CCDC91: variants seen among roughly 807,000 people sequenced by gnomAD.
CCDC91 encodes coiled-coil domain containing 91.
Under a neutral mutation model 63.2 loss-of-function variants are expected in CCDC91, and 48 were observed. That is an observed-to-expected ratio of 0.76 (90% CI 0.60 to 0.97). The LOEUF (loss-of-function observed/expected upper bound fraction) is 0.97. CCDC91 is among the 50% of genes least tolerant of loss of function. CCDC91 has a pLI of 0.00. For missense variants in CCDC91, 500 were observed against 494.6 expected, an observed-to-expected ratio of 1.01 and a Z score of -0.10; for synonymous variants, 167 against 165.8, an observed-to-expected ratio of 1.01 and a Z score of -0.06.
intron 8 of CCDC91, among the ~76,000 whole-genome samples, chr12:28,398,262 A>G (rs563269823): frequency 6.6e-6 from 1 of 152,092 alleles, no homozygotes; most frequent in Non-Finnish European, 1.5e-5. Flanking sequence ...CTGTTATTTC[A>G]TATAGAATGA....
At chr12:28,286,292 G>A (rs1199924870) in intron 3 of CCDC91, among the ~76,000 whole-genome samples, 1 of 152,000 alleles carries the variant, frequency 6.6e-6, no homozygotes, top group African/African-American at 2.4e-5. Flanking sequence ...GGGGTTTGTT[G>A]TACAGATTAT....
intron 6 of CCDC91, among the ~76,000 whole-genome samples, chr12:28,311,192 G>T (rs1939285306): frequency 6.6e-6 from 1 of 151,968 alleles, no homozygotes; most frequent in Non-Finnish European, 1.5e-5. Context: ...AGATAAGGTG[G>T]GATTTCAGGG....
intron 1 of CCDC91, among the ~76,000 whole-genome samples, chr12:28,208,806 T>A (rs891294373): frequency 6.6e-6 from 1 of 152,156 alleles, no homozygotes; most frequent in Non-Finnish European, 1.5e-5. Flanking sequence ...TATTTTATTT[T>A]ATTTTATTTT....
intron 12 of CCDC91, among the ~76,000 whole-genome samples, chr12:28,540,170 G>A (rs1266589535): frequency 6.6e-6 from 1 of 152,050 alleles, no homozygotes; most frequent in Non-Finnish European, 1.5e-5. Context: ...CTCCTTTATT[G>A]CATCATGAAC....
At chr12:28,351,650 G>T (rs79154320) in intron 6 of CCDC91, among the ~76,000 whole-genome samples, 1 of 151,552 alleles carries the variant, frequency 6.6e-6, no homozygotes, top group Non-Finnish European at 1.5e-5. Context: ...CTTTGCAACC[G>T]TAGATCTAAC....
chr12:28,529,275 G>A (rs538282822), intron 12 of CCDC91, among the ~76,000 whole-genome samples: 46 of 152,190 alleles, frequency 3.0e-4, no homozygotes, highest in Admixed American at 1.1e-3. Context: ...AGAATCTTCC[G>A]CAGAGCTTTG....
intron 6 of CCDC91, among the ~76,000 whole-genome samples, chr12:28,320,726 T>C (rs1187735036): frequency 6.6e-6 from 1 of 151,884 alleles, no homozygotes; most frequent in African/African-American, 2.4e-5. Context: ...ATACATTTGA[T>C]CACAGTGGCC....
chr12:28,328,794 ATTT>A (rs143982760), intron 6 of CCDC91, among the ~76,000 whole-genome samples: 1 of 151,620 alleles, frequency 6.6e-6, no homozygotes, highest in Admixed American at 6.6e-5. Context: ...AACAGATGCG[ATTT>A]TTTTTTCTTT....
intron 1 of CCDC91, among the ~76,000 whole-genome samples, chr12:28,195,420 T>C (rs7961395): frequency 0.26 from 39,577 of 152,012 alleles, 5,396 homozygotes; most frequent in Non-Finnish European, 0.31. Context: ...GACCCGGAAG[T>C]CCAGCCGGCT....
intron 11 of CCDC91, among the ~76,000 whole-genome samples, chr12:28,457,705 C>T (rs935296977): frequency 6.6e-6 from 1 of 151,420 alleles, no homozygotes; most frequent in African/African-American, 2.4e-5. Context: ...TGGCCTTGAT[C>T]GTAAGTTAAG....
intron 12 of CCDC91, among the ~76,000 whole-genome samples, chr12:28,515,516 A>G (rs1218166899): frequency 2.6e-5 from 4 of 151,894 alleles, no homozygotes; most frequent in Non-Finnish European, 2.9e-5. Context: ...AATGTAGACT[A>G]TTTGTAAAAT....
intron 6 of CCDC91, among the ~76,000 whole-genome samples, chr12:28,341,184 T>C (rs1211987308): frequency 6.6e-6 from 1 of 152,144 alleles, no homozygotes; most frequent in Non-Finnish European, 1.5e-5. Context: ...CCCCTTGAAA[T>C]CCAGCTGCTT....
At position 28,284,850 on chromosome 12, in the gene CCDC91, G is replaced by A. The variant is rs147632684; in HGVS notation, c.110-20799G>A. 4.1e-4 allele frequency among the ~76,000 whole-genome samples: 62 copies of A among 152,160 alleles called. 1 individual carries two copies. The East Asian group carries it at 8.5e-3, about 21-fold the overall frequency. ...ATATTCTTTCTTTTTTTGCCTAGTC[G>A]TTGGACTACCACCTGTGAAATAGCG... On this transcript the variant is annotated intron_variant, in intron 3 of 12. Transcript: ENST00000536442.
intron 12 of CCDC91, among the ~76,000 whole-genome samples, chr12:28,513,724 T>C (rs530328680): frequency 6.6e-6 from 1 of 151,902 alleles, no homozygotes; most frequent in Admixed American, 6.6e-5. Flanking sequence ...TTTGATTTTC[T>C]AATCCTGTAT....
intron 12 of CCDC91, among the ~76,000 whole-genome samples, chr12:28,493,199 A>G (rs529991646): frequency 7.3e-4 from 111 of 151,822 alleles, no homozygotes; most frequent in African/African-American, 2.4e-3. Context: ...GTGATATTAG[A>G]TAACTACCCA....
In CCDC91 at chr12:28,269,209, A is replaced by T. The variant is rs565182631; in HGVS notation, c.109+9767A>T. 2.6e-5 allele frequency among the ~76,000 whole-genome samples: 4 copies of T among 151,630 alleles called. No individual in the cohort carries two copies. The East Asian group carries it at 7.8e-4, about 29-fold the overall frequency. ...TCCTCCCTCTTTTTAAAGGTTGGGCATTTGAGCTTCTTAAACGGTGTCTCT... is the reference window on the plus strand; with the variant it reads ...TCCTCCCTCTTTTTAAAGGTTGGGCTTTTGAGCTTCTTAAACGGTGTCTCT... On this transcript the variant is annotated intron_variant, in intron 3 of 12. Transcript: ENST00000536442.
chr12:28,414,255 CA>C (rs1385106735), intron 8 of CCDC91, among the ~76,000 whole-genome samples: 1 of 151,948 alleles, frequency 6.6e-6, no homozygotes. Flanking sequence ...TGTGTAACAA[CA>C]TTTAAAAAGT....
intron 11 of CCDC91, among the ~76,000 whole-genome samples, chr12:28,475,586 G>GA (rs1951040123): frequency 6.6e-6 from 1 of 151,916 alleles, no homozygotes; most frequent in African/African-American, 2.4e-5. Context: ...TGTGTTGCAG[G>GA]AAAAAAGTTC....
intron 12 of CCDC91, among the ~76,000 whole-genome samples, chr12:28,527,495 G>A (rs1456510808): frequency 3.3e-5 from 5 of 152,170 alleles, no homozygotes; most frequent in East Asian, 3.9e-4. Context: ...GCACCTGCTC[G>A]GGTGGCAGTG....
Sources: gnomAD v4.1 joint callset for allele counts (sites outside exome capture counted in the v4.1 genomes callset) on GRCh38, gnomAD v4.1.1 for gene constraint, MANE v1.5 for transcripts, NCBI Gene and HGNC (gene_info 2026-07-23, HGNC 2026-07-21) for gene names.